The following DCT variants were observed in gnomAD, a reference collection of about 807,000 sequenced individuals.
DCT encodes L-dopachrome tautomerase.
Under a neutral mutation model 53.0 loss-of-function variants are expected in DCT, and 47 were observed. That is an observed-to-expected ratio of 0.89 (90% CI 0.70 to 1.13). The LOEUF (loss-of-function observed/expected upper bound fraction) is 1.13. DCT is among the 50% of genes most tolerant of loss of function. The probability of loss-of-function intolerance (pLI) is 0.00; values close to 1 mark genes in which losing one functional copy is unlikely to be tolerated. For missense variants in DCT, 669 were observed against 637.4 expected (o/e 1.05, Z -0.53); for synonymous variants, 244 against 237.0 (o/e 1.03, Z -0.27).
intron 6 of DCT, among the ~76,000 whole-genome samples, chr13:94,451,187 G>C (rs370886016): frequency 1.3e-5 from 2 of 152,136 alleles, no homozygotes; most frequent in African/African-American, 2.4e-5. Flanking sequence ...GGTAGTAACT[G>C]TGTACCTGCT....
At chr13:94,445,949 C>A (rs1295635186) in intron 6 of DCT, among the ~76,000 whole-genome samples, 2 of 152,240 alleles carry the variant, frequency 1.3e-5, no homozygotes, top group East Asian at 3.9e-4. Context: ...AGAGATGCCA[C>A]CCCCTTTTCC....
At chr13:94,527,844 C>G in the DCT span, among the ~76,000 whole-genome samples, 2 of 151,902 alleles carry the variant, frequency 1.3e-5, no homozygotes, top group African/African-American at 4.8e-5. Flanking sequence ...CTTCTCCAAG[C>G]TAAAGGAGCA....
At chr13:94,533,653 T>A in the DCT span, among the ~76,000 whole-genome samples, 1 of 152,042 alleles carries the variant, frequency 6.6e-6, no homozygotes, top group Non-Finnish European at 1.5e-5. Flanking sequence ...GGTGTGGTGG[T>A]GCATGCCTCT....
chr13:94,439,713 T>TA lies in DCT; in HGVS notation c.*184_*185insT. 2 of 449,626 alleles carry TA rather than the reference T, an allele frequency of 4.4e-6. No homozygotes were observed. Among genetic ancestry groups the TA allele is most frequent in the Non-Finnish European group, 7.8e-6 (2 of 257,906 alleles). The allele number at this position is 449,626 out of a possible 1,614,324, so 27.9% of individuals were successfully genotyped here. A position where few individuals can be genotyped will look rare whatever the true frequency, so the allele number is the denominator to read the frequency against. On this transcript the variant is annotated 3_prime_UTR_variant, in exon 8 of 8. Transcript: ENST00000377028. ...TAGCCTCAAGCACTTTAGTTGGGTT[T>TA]GTTAAACAAGCAAGCAAAGCGGAAA...
chr13:94,521,811 T>C, the DCT span, among the ~76,000 whole-genome samples: 2 of 152,254 alleles, frequency 1.3e-5, no homozygotes, highest in African/African-American at 4.8e-5. Context: ...TGATGGCTTT[T>C]AGTATGTTCA....
At chr13:94,543,360 A>G in the DCT span, among the ~76,000 whole-genome samples, 1 of 152,178 alleles carries the variant, frequency 6.6e-6, no homozygotes, top group Non-Finnish European at 1.5e-5. Context: ...ACCACAACTC[A>G]GAAGATTTTT....
chr13:94,491,427 T>C, the DCT span, among the ~76,000 whole-genome samples: 1,013 of 152,304 alleles, frequency 6.7e-3, 15 homozygotes, highest in African/African-American at 0.023. Context: ...TACTCCAGTA[T>C]GACCTCATCT....
chr13:94,500,890 T>C, the DCT span, among the ~76,000 whole-genome samples: 1 of 152,240 alleles, frequency 6.6e-6, no homozygotes, highest in Non-Finnish European at 1.5e-5. Context: ...TGCACCACTC[T>C]GTGACAACCC....
chr13:94,494,649 A>G, the DCT span, among the ~76,000 whole-genome samples: 1 of 152,138 alleles, frequency 6.6e-6, no homozygotes, highest in Middle Eastern at 3.2e-3. Context: ...TCTATAATAT[A>G]ATGAAGGAAT....
intron 5 of DCT, 131 bp downstream of exon 5, chr13:94,461,879 C>T (rs1472428428): frequency 4.3e-6 from 3 of 699,306 alleles, no homozygotes; most frequent in Non-Finnish European, 7.0e-6. Flanking sequence ...TAACTTCTCT[C>T]GTTAGGCCTC....
the DCT span, among the ~76,000 whole-genome samples, chr13:94,531,310 C>G: frequency 1.3e-5 from 2 of 151,994 alleles, no homozygotes; most frequent in Non-Finnish European, 1.5e-5. Flanking sequence ...CATATGGAAC[C>G]AAAAAAGAGC....
chr13:94,538,327 G>A, the DCT span, among the ~76,000 whole-genome samples: 3 of 152,114 alleles, frequency 2.0e-5, no homozygotes, highest in Non-Finnish European at 4.4e-5. Context: ...TTACAGACAG[G>A]GAGACTGAAA....
At chr13:94,498,990 A>G in the DCT span, among the ~76,000 whole-genome samples, 1 of 152,218 alleles carries the variant, frequency 6.6e-6, no homozygotes, top group Non-Finnish European at 1.5e-5. Flanking sequence ...AAAATGGACC[A>G]ATCAGCAGGA....
At chr13:94,536,026 A>G in the DCT span, among the ~76,000 whole-genome samples, 1 of 152,170 alleles carries the variant, frequency 6.6e-6, no homozygotes, top group Non-Finnish European at 1.5e-5. Flanking sequence ...ATACCACAGA[A>G]AAGTTTGCTA....
chr13:94,487,876 T>C, the DCT span, among the ~76,000 whole-genome samples: 1 of 152,046 alleles, frequency 6.6e-6, no homozygotes, highest in Admixed American at 6.6e-5. Flanking sequence ...TCTAAGAGCC[T>C]TTTTTCTTCT....
chr13:94,465,611 T>C (rs754908817), intron 4 of DCT, 22 bp downstream of exon 4: 4 of 1,609,670 alleles, frequency 2.5e-6, no homozygotes, highest in African/African-American at 2.7e-5. Context: ...CTGGATGCCA[T>C]TGCAGGTACA....
the DCT span, among the ~76,000 whole-genome samples, chr13:94,544,901 TG>T: frequency 6.6e-6 from 1 of 152,196 alleles, no homozygotes; most frequent in Non-Finnish European, 1.5e-5. Context: ...AATACTCATC[TG>T]GTTTTATTAT....
intron 3 of DCT, among the ~76,000 whole-genome samples, 172 bp from the exon 4 acceptor site, chr13:94,465,971 TATATATATATATATATA>T (rs1566840492): frequency 0.011 from 29 of 2,590 alleles, no homozygotes; most frequent in African/African-American, 0.036. Flanking sequence ...GTATATTTTA[TATATATATATATATATA>T]TATATATATA....
At chr13:94,545,844 C>G in the DCT span, among the ~76,000 whole-genome samples, 1 of 152,078 alleles carries the variant, frequency 6.6e-6, no homozygotes, top group African/African-American at 2.4e-5. Context: ...ACCTGAAAAG[C>G]CTTCTCAACC....
Sources: allele counts gnomAD v4.1 joint callset (sites outside exome capture counted in the v4.1 genomes callset), GRCh38; gene constraint gnomAD v4.1.1; transcripts MANE v1.5; gene names NCBI Gene and HGNC (gene_info 2026-07-23, HGNC 2026-07-21).